Variants in CS observed in about 807,000 individuals in gnomAD.
CS encodes the protein citrate synthase, also known as citrate synthase, mitochondrial.
A neutral mutation model predicts 61.4 loss-of-function variants in CS; 13 were observed. The ratio of observed to expected loss-of-function variants is 0.21; its 90% confidence interval spans 0.14 to 0.34. The LOEUF (loss-of-function observed/expected upper bound fraction) is 0.34, where lower values mean the gene tolerates loss of function less well. CS is among the 10% of genes least tolerant of loss of function. The probability of loss-of-function intolerance (pLI) is 1.00; values close to 1 mark genes in which losing one functional copy is unlikely to be tolerated. For missense variants in CS, 278 were observed against 573.4 expected, an observed-to-expected ratio of 0.48 and a Z score of 5.26; for synonymous variants, 159 against 215.2, an observed-to-expected ratio of 0.74 and a Z score of 2.29.
chr12:56,280,070 G>T (rs958849216), intron 6 of CS, among the ~76,000 whole-genome samples: 2 of 151,676 alleles, frequency 1.3e-5, no homozygotes, highest in Non-Finnish European at 2.9e-5. Flanking sequence ...CTGAGGTCAG[G>T]AGTTCTGGAC....
chr12:56,285,856 T>C (rs970799561), intron 3 of CS, 60 bp downstream of exon 3: 17 of 1,316,114 alleles, frequency 1.3e-5, no homozygotes, highest in African/African-American at 1.2e-4. Context: ...GAGAGAATGT[T>C]ACTTTTGTTG....
chr12:56,276,656 C>T (rs1872629847), intron 6 of CS, among the ~76,000 whole-genome samples: 1 of 152,178 alleles, frequency 6.6e-6, no homozygotes, highest in African/African-American at 2.4e-5. Flanking sequence ...ATTCTCCTGC[C>T]TCAGCCTCCT....
At position 56,300,229 on chromosome 12, in the gene CS, G is replaced by C. The variant is rs1313598320; in HGVS notation, c.-28C>G. ...CGGGCGATCTCCGGGATCTGGTGGGGAGGTAAGAAAGGGAGAGAGCTGCGG... is the reference window on the plus strand; with the variant it reads ...CGGGCGATCTCCGGGATCTGGTGGGCAGGTAAGAAAGGGAGAGAGCTGCGG... On this transcript the variant is annotated 5_prime_UTR_variant, in exon 1 of 11. Transcript: ENST00000351328. 16 of 1,553,164 alleles carry C rather than the reference G, an allele frequency of 1.0e-5. No individual in the cohort carries two copies. The highest frequency in any genetic ancestry group is 1.4e-5 in the Non-Finnish European group (16 of 1,150,652).
At chr12:56,293,349 G>A (rs1177603066) in intron 1 of CS, among the ~76,000 whole-genome samples, 1 of 152,218 alleles carries the variant, frequency 6.6e-6, no homozygotes, top group African/African-American at 2.4e-5. Flanking sequence ...GCTGGGCGCA[G>A]TGGCTCATGC....
intron 1 of CS, among the ~76,000 whole-genome samples, chr12:56,299,662 T>C (rs1873417395): frequency 6.6e-6 from 1 of 152,124 alleles, no homozygotes; most frequent in African/African-American, 2.4e-5. Context: ...GCTTAAATAA[T>C]AGGCTTGGAG....
At chr12:56,273,416 G>T in intron 10 of CS, 162 bp from the exon 11 acceptor site, 2 of 972,984 alleles carry the variant, frequency 2.1e-6, no homozygotes, top group South Asian at 1.7e-5. Context: ...ATAGCAATTG[G>T]GATTCTGAAA....
In CS at chr12:56,281,869, T is replaced by G. The variant is rs111364709; in HGVS notation, c.588+551A>C. Among the ~76,000 whole-genome samples the G allele has an allele frequency of 5.9e-5, 9 of 151,676 alleles. 1 individual carries two copies. Among genetic ancestry groups the G allele is most frequent in the African/African-American group, 1.9e-4 (8 of 41,384 alleles). On this transcript the variant is annotated intron_variant, in intron 6 of 10. Transcript: ENST00000351328. The stretch of plus-strand genomic sequence containing the variant: ...CCTCTGTTACAGCAAGACTATGGAA[T>G]TTTTTTTTAGATGGAGTCTCACTCT...
chr12:56,276,929 G>T (rs117644903), intron 6 of CS, among the ~76,000 whole-genome samples: 1 of 152,240 alleles, frequency 6.6e-6, no homozygotes, highest in Non-Finnish European at 1.5e-5. Flanking sequence ...GCCAGACACG[G>T]CAGCTCATGC....
chr12:56,283,463 T>A (rs753101915), intron 4 of CS, among the ~76,000 whole-genome samples: 2 of 152,106 alleles, frequency 1.3e-5, no homozygotes, highest in Non-Finnish European at 2.9e-5. Flanking sequence ...CAGGACGGTC[T>A]CAACCTCCTG....
chr12:56,286,227 C>T (rs1054408484), intron 2 of CS: 13 of 569,696 alleles, frequency 2.3e-5, no homozygotes, highest in South Asian at 4.5e-5. Flanking sequence ...AACAGTTTCT[C>T]GGTTTGGGCA....
rs764354725 is a variant in CS, at chr12:56,283,813, T to C, written c.246A>G (p.Thr82=). ...MRGMKGLVYE[T]SVLDPDEGIR... ...TTACCTCATCAGGATCAAGAACTGA[T>C]GTTTCATAGACCAATCCCTTCATGC... Residue 82 remains threonine (T), a synonymous_variant, in exon 4 of 11, where the codon ACA becomes ACG. Coordinates refer to ENST00000351328, the MANE Select transcript of CS (RefSeq NM_004077.3). 6.2e-7 allele frequency: 1 copy of C among 1,612,954 alleles called. No individual in the cohort carries two copies. The highest frequency in any genetic ancestry group is 8.5e-7 in the Non-Finnish European group (1 of 1,179,076).
At chr12:56,297,179 G>C (rs934274675) in intron 1 of CS, among the ~76,000 whole-genome samples, 2 of 152,104 alleles carry the variant, frequency 1.3e-5, no homozygotes, top group African/African-American at 4.8e-5. Context: ...CTTTAGCTAG[G>C]GTTGGTTAAG....
chr12:56,289,646 G>A (rs1353224167), intron 1 of CS, among the ~76,000 whole-genome samples: 1 of 151,924 alleles, frequency 6.6e-6, no homozygotes, highest in Non-Finnish European at 1.5e-5. Flanking sequence ...GTTTCACTGT[G>A]TTAGCCAGGA....
At position 56,283,970 on chromosome 12, in the gene CS, T is replaced by C. The variant is rs951058117; in HGVS notation, c.202-113A>G. The C allele has an allele frequency of 7.9e-6, 6 of 762,522 alleles. No homozygotes were observed. The African/African-American group carries it at 1.1e-4, about 14-fold the overall frequency. The allele number at this position is 762,522 out of a possible 1,614,324, so 47.2% of individuals were successfully genotyped here. A position where few individuals can be genotyped will look rare whatever the true frequency, so the allele number is the denominator to read the frequency against. Reference sequence around the variant, plus strand: ...GGGATCTGGGAGAGAAAATTTATTCTCAGACTTGTAAGACTTCATTTGGTG... The same window carrying C: ...GGGATCTGGGAGAGAAAATTTATTCCCAGACTTGTAAGACTTCATTTGGTG... On this transcript the variant is annotated intron_variant, in intron 3 of 10. Coordinates refer to ENST00000351328, the MANE Select transcript of CS (RefSeq NM_004077.3).
chr12:56,283,973 G>C (rs1363636954), intron 3 of CS, 116 bp from the exon 4 acceptor site: 1 of 713,526 alleles, frequency 1.4e-6, no homozygotes, highest in Non-Finnish European at 2.4e-6. Flanking sequence ...TTTATTCTCA[G>C]ACTTGTAAGA....
intron 6 of CS, among the ~76,000 whole-genome samples, chr12:56,278,388 A>G (rs1872683557): frequency 6.6e-6 from 1 of 152,058 alleles, no homozygotes; most frequent in South Asian, 2.1e-4. Context: ...TCGGCCTCCC[A>G]AAGTGCTGAG....
Position 56,273,089 on chromosome 12 carries a change from C to T in CS, c.1396G>A (p.Gly466Arg). The T allele has an allele frequency of 3.1e-6, 5 of 1,603,642 alleles. No individual in the cohort carries two copies. Among genetic ancestry groups the T allele is most frequent in the Non-Finnish European group, 4.3e-6 (5 of 1,175,622 alleles). The change falls in exon 11 of 11, where the codon GGG (glycine) becomes AGG (arginine). Residue 466 changes from glycine (G) to arginine (R), a missense_variant. Gly to Arg is a moderately radical substitution (Grantham distance 125). Around this residue, in one of 2 missense-constraint regions of CS, gnomAD observed 223 missense variants for 503.5 expected, o/e 0.44. Transcript: ENST00000351328. ...CTTTCACCCAGTCTCCAGTTTTACC[C>T]TGACTTAGAGTCCACAAACTTCATC... Reference protein sequence around the residue: ...GLMKFVDSKSG With the variant: ...GLMKFVDSKSR
intron 1 of CS, among the ~76,000 whole-genome samples, chr12:56,297,004 G>A (rs1873327456): frequency 6.6e-6 from 1 of 152,180 alleles, no homozygotes; most frequent in Non-Finnish European, 1.5e-5. Context: ...TACAGGTGAT[G>A]TTGTACAGTG....
At chr12:56,299,960 G>A in intron 1 of CS, 200 bp downstream of exon 1, 1 of 522,684 alleles carries the variant, frequency 1.9e-6, no homozygotes, top group Non-Finnish European at 3.4e-6. Context: ...CGGGCGGCGT[G>A]CACTTCACCC....
Sources: allele counts gnomAD v4.1 joint callset (sites outside exome capture counted in the v4.1 genomes callset), GRCh38; gene constraint gnomAD v4.1.1; regional missense constraint gnomAD v4.1.1; transcripts MANE v1.5; gene names NCBI Gene and HGNC (gene_info 2026-07-23, HGNC 2026-07-21).